Variants in RNF212B observed in about 807,000 individuals in gnomAD.
RNF212B encodes E3 ubiquitin-protein ligase RNF212B.
Under a neutral mutation model 55.5 loss-of-function variants are expected in RNF212B, and 52 were observed. The observed-to-expected ratio is 0.94, with a 90% CI of 0.75 to 1.18. RNF212B has a LOEUF of 1.18. Among genes scored for constraint, RNF212B ranks in the 50% most tolerant of loss-of-function variants. The probability of loss-of-function intolerance (pLI) is 0.00; values close to 1 mark genes in which losing one functional copy is unlikely to be tolerated. For synonymous variants in RNF212B, 99 were observed against 121.4 expected (o/e 0.82, Z 1.21); for missense variants, 289 against 350.4 (o/e 0.82, Z 1.40).
intron 9 of RNF212B, among the ~76,000 whole-genome samples, 173 bp downstream of exon 9, chr14:23,263,143 C>A (rs770977297): frequency 5.3e-5 from 8 of 151,652 alleles, no homozygotes; most frequent in Non-Finnish European, 8.8e-5. Flanking sequence ...AAGATACTGT[C>A]CATTCAGGCA....
At chr14:23,249,575 G>A (rs778677814) in intron 4 of RNF212B, among the ~76,000 whole-genome samples, 3 of 152,114 alleles carry the variant, frequency 2.0e-5, no homozygotes, top group African/African-American at 7.2e-5. Flanking sequence ...AAGAAAAGTT[G>A]TATTTAGTTT....
intron 5 of RNF212B, among the ~76,000 whole-genome samples, chr14:23,259,165 T>A (rs1300299759): frequency 6.7e-6 from 1 of 150,300 alleles, no homozygotes; most frequent in Non-Finnish European, 1.5e-5. Context: ...CACTCCAGCG[T>A]GGGTGAAAAA....
chr14:23,226,501 T>G (rs1373023089), intron 2 of RNF212B, among the ~76,000 whole-genome samples: 9 of 149,066 alleles, frequency 6.0e-5, no homozygotes, highest in South Asian at 2.1e-4. Flanking sequence ...CATGGCGGCG[T>G]GCGCCTGTAG....
upstream of RNF212B, among the ~76,000 whole-genome samples, chr14:23,233,778 A>C (rs1046968955): frequency 6.6e-6 from 1 of 151,500 alleles, no homozygotes; most frequent in South Asian, 2.1e-4. Flanking sequence ...TCAAAACTCA[A>C]CAATAAGAAA....
chr14:23,233,268 G>T (rs1882848269), upstream of RNF212B, among the ~76,000 whole-genome samples: 1 of 152,126 alleles, frequency 6.6e-6, no homozygotes, highest in Non-Finnish European at 1.5e-5. Flanking sequence ...CACAAACACT[G>T]CGGAAGGCCG....
chr14:23,194,458 C>T (rs1878439236), intron 2 of RNF212B, among the ~76,000 whole-genome samples: 1 of 152,108 alleles, frequency 6.6e-6, no homozygotes, highest in African/African-American at 2.4e-5. Context: ...GATAAATCAG[C>T]CAGGCGCAGT....
chr14:23,226,812 C>CTTCT (rs1555313757), intron 2 of RNF212B, among the ~76,000 whole-genome samples: 2 of 128,770 alleles, frequency 1.6e-5, no homozygotes, highest in African/African-American at 3.0e-5. Flanking sequence ...TCTTCTTCTT[C>CTTCT]TTTTTTTTTT....
chr14:23,193,165 T>C (rs902929070), intron 1 of RNF212B, among the ~76,000 whole-genome samples: 6 of 150,464 alleles, frequency 4.0e-5, no homozygotes, highest in Non-Finnish European at 8.8e-5. Context: ...AATGCTATTA[T>C]AGAAGTTTAA....
At chr14:23,246,105 T>C (rs1680848871) in intron 4 of RNF212B, among the ~76,000 whole-genome samples, 1 of 152,102 alleles carries the variant, frequency 6.6e-6, no homozygotes, top group South Asian at 2.1e-4. Context: ...GAACCTCATA[T>C]AGATCTGTAA....
At chr14:23,196,552 G>A (rs760651520) in intron 2 of RNF212B, among the ~76,000 whole-genome samples, 9 of 152,168 alleles carry the variant, frequency 5.9e-5, no homozygotes, top group Admixed American at 1.3e-4. Context: ...CAATCCTCCC[G>A]CCTCAGCCTC....
chr14:23,265,580 A>T lies in RNF212B; in HGVS notation c.634+909A>T, dbSNP rs1375127649. On this transcript the variant is annotated intron_variant, in intron 11 of 14. Transcript: ENST00000430154. ...TCCCTCTAAATCTCCCACATTTGAA[A>T]TCTCCCACTCCTTTGAAAAACATAG... Among the ~76,000 whole-genome samples the T allele has an allele frequency of 2.0e-5, 3 of 152,160 alleles. 1 individual carries two copies. Among genetic ancestry groups the T allele is most frequent in the Non-Finnish European group, 4.4e-5 (3 of 68,032 alleles).
intron 1 of RNF212B, among the ~76,000 whole-genome samples, chr14:23,187,305 C>T (rs1026012230): frequency 6.6e-6 from 1 of 152,120 alleles, no homozygotes; most frequent in Admixed American, 6.5e-5. Context: ...ATAGTTAAAA[C>T]ACAAACACAC....
At chr14:23,226,309 A>T (rs1276998265) in intron 2 of RNF212B, among the ~76,000 whole-genome samples, 12 of 144,900 alleles carry the variant, frequency 8.3e-5, no homozygotes, top group African/African-American at 3.0e-4. Flanking sequence ...AAAAAAAAAA[A>T]AAAAAAATTA....
intron 9 of RNF212B, 94 bp from the exon 10 acceptor site, chr14:23,264,078 ACT>A: frequency 2.1e-6 from 2 of 933,974 alleles, no homozygotes; most frequent in South Asian, 3.0e-5. Context: ...ACAGAGTGAG[ACT>A]CTGTCTGAAA....
intron 14 of RNF212B, chr14:23,272,506 G>A (rs1886180637): frequency 2.9e-6 from 1 of 348,900 alleles, no homozygotes; most frequent in Non-Finnish European, 5.3e-6. Flanking sequence ...CTCCTCAGAG[G>A]CCTAAGAACT....
At chr14:23,236,112 C>G (rs188331947), upstream of RNF212B, among the ~76,000 whole-genome samples, 484 of 152,304 alleles carry the variant, frequency 3.2e-3, 5 homozygotes, top group African/African-American at 0.011. Flanking sequence ...AGGACTCCAC[C>G]AGCTTTCTAT....
At chr14:23,251,203 T>C (rs1884376443) in intron 4 of RNF212B, among the ~76,000 whole-genome samples, 1 of 152,208 alleles carries the variant, frequency 6.6e-6, no homozygotes, top group Admixed American at 6.5e-5. Flanking sequence ...CTGTGTGAGA[T>C]GTTTTCTGAT....
chr14:23,233,574 A>G (rs1882882171), upstream of RNF212B, among the ~76,000 whole-genome samples: 1 of 148,770 alleles, frequency 6.7e-6, no homozygotes, highest in African/African-American at 2.5e-5. Flanking sequence ...AAAAAAAAAA[A>G]AAAAAAAAAA....
chr14:23,257,137 A>T (rs1482864757), intron 4 of RNF212B, among the ~76,000 whole-genome samples: 2 of 151,630 alleles, frequency 1.3e-5, no homozygotes, highest in East Asian at 3.9e-4. Context: ...TGGGCGACAG[A>T]GCGAGACTCA....
Sources: gnomAD v4.1 joint callset for allele counts (sites outside exome capture counted in the v4.1 genomes callset) on GRCh38, gnomAD v4.1.1 for gene constraint, MANE v1.5 for transcripts, NCBI Gene and HGNC (gene_info 2026-07-23, HGNC 2026-07-21) for gene names.